UFD1: variants seen among roughly 807,000 people sequenced by gnomAD.
UFD1 encodes ubiquitin recognition factor in ER associated degradation 1.
In UFD1, 13 loss-of-function variants were observed where a neutral mutation model predicts 45.9. That is an observed-to-expected ratio of 0.28 (90% CI 0.18 to 0.45). UFD1 has a LOEUF of 0.45. Ranked by LOEUF, UFD1 falls within the 20% of genes least tolerant of loss-of-function variation. The pLI, the probability that UFD1 is intolerant of heterozygous loss-of-function variation, is 1.00. For synonymous variants in UFD1, 128 were observed against 139.2 expected (o/e 0.92, Z 0.56); for missense variants, 218 against 389.2 (o/e 0.56, Z 3.70).
rs2089722429 is a variant in UFD1, at chr22:19,456,313, C to G, written c.678+274G>C. Among the ~76,000 whole-genome samples the G allele has an allele frequency of 2.6e-5, 4 of 152,192 alleles. No individual in the cohort carries two copies. In the South Asian group the frequency reaches 8.3e-4, roughly 32 times the overall value. On this transcript the variant is annotated intron_variant, in intron 9 of 11. Coordinates refer to ENST00000263202, the MANE Select transcript of UFD1 (RefSeq NM_005659.7). ...GTAACTTTTGGTGAACCTAAGGGAA[C>G]AGTATATGTCTACTGTACTATTTAA... is the stretch of plus-strand genomic sequence containing the variant.
In UFD1 at chr22:19,468,087, G is replaced by A. The variant is rs974099909; in HGVS notation, c.292-84C>T. On this transcript the variant is annotated intron_variant, in intron 4 of 11. Transcript: ENST00000263202. The stretch of plus-strand genomic sequence containing the variant: ...TGCTCCCTATACACTGGGCAGGCCC[G>A]TCTTACTTGGGTCCTTGGAAGAGGA... The A allele has an allele frequency of 5.9e-6, 9 of 1,536,916 alleles. No individual in the cohort carries two copies. The East Asian group carries it at 6.8e-5, about 12-fold the overall frequency.
chr22:19,458,229 G>T, intron 6 of UFD1, 90 bp from the exon 7 acceptor site: 1 of 1,377,360 alleles, frequency 7.3e-7, no homozygotes, highest in Non-Finnish European at 1.0e-6. Flanking sequence ...ACTGGCTCCT[G>T]CGAATGACAC....
chr22:19,452,995 G>C (rs948340371), intron 11 of UFD1: 55 of 966,546 alleles, frequency 5.7e-5, no homozygotes, highest in Non-Finnish European at 6.2e-5. Flanking sequence ...GATGATTTCT[G>C]CTCCTTTGGT....
In UFD1 at chr22:19,458,097, C is replaced by T; in HGVS notation, c.538G>A (p.Val180Met). ...RVMETKPDKA[V>M]SIIECDMNVD... ...TTCATGTCACACTCAATGATGGACA[C>T]TGCCTTGTCGGGTTTGGTCTCCATC... Residue 180 changes from valine (V) to methionine (M), a missense_variant, in exon 7 of 12, where the codon GTG becomes ATG. Transcript: ENST00000263202. The T allele has an allele frequency of 6.2e-7, 1 of 1,614,184 alleles. No individual in the cohort carries two copies. Among genetic ancestry groups the T allele is most frequent in the Non-Finnish European group, 8.5e-7 (1 of 1,180,010 alleles).
rs5748208 is a variant in UFD1 at position 19,450,839 on chromosome 22, A to G, written c.850-95T>C. The G allele has an allele frequency of 0.055, 87,324 of 1,592,428 alleles. 2,683 individuals are homozygous for G. The highest frequency in any genetic ancestry group is 0.11 in the Middle Eastern group (635 of 5,946). On this transcript the variant is annotated intron_variant, in intron 11 of 11. Transcript: ENST00000263202. ...GACTCACGTACCATCCACATTACTC[A>G]TAAGAAATATCTCAGGCTGGACACG... is the stretch of plus-strand genomic sequence containing the variant.
Position 19,471,577 on chromosome 22 carries a change from T to G in UFD1, c.291+110A>C, listed in dbSNP as rs1254071229. On this transcript the variant is annotated intron_variant, in intron 4 of 11. Transcript: ENST00000263202. ...GCTGGGTCGGCTCAGGCTAAGACGC[T>G]GAGCAGGAGGAGTAGGCGGGGCCAC... 12 of 1,483,720 alleles carry G rather than the reference T, an allele frequency of 8.1e-6. No homozygotes were observed. The East Asian group carries it at 1.9e-4, about 23-fold the overall frequency. 91.9% of individuals were successfully genotyped at this position (1,483,720 alleles called of 1,614,324 possible). A position where few individuals can be genotyped will look rare whatever the true frequency, so the allele number is the denominator to read the frequency against.
Position 19,450,470 on chromosome 22 carries a change from T to C in UFD1, c.*200A>G. ...GGCCCTCAGGGACAGCTCTTTGTCT[T>C]TCCCCAAATCAAGCATACAACTACA... is the stretch of plus-strand genomic sequence containing the variant. On this transcript the variant is annotated 3_prime_UTR_variant, in exon 12 of 12. Transcript: ENST00000263202. 3.1e-6 allele frequency: 2 copies of C among 640,918 alleles called. No homozygotes were observed. Among genetic ancestry groups the C allele is most frequent in the Non-Finnish European group, 2.6e-6 (1 of 388,798 alleles). 39.7% of individuals were successfully genotyped at this position (640,918 alleles called of 1,614,324 possible). A position where few individuals can be genotyped will look rare whatever the true frequency, so the allele number is the denominator to read the frequency against.
chr22:19,467,756 G>A, intron 5 of UFD1, 117 bp downstream of exon 5: 1 of 1,499,948 alleles, frequency 6.7e-7, no homozygotes, highest in Non-Finnish European at 9.0e-7. Flanking sequence ...ATCACAACTT[G>A]AATCACAAAT....
intron 11 of UFD1, chr22:19,453,260 G>C (rs914291241): frequency 3.0e-6 from 3 of 985,300 alleles, no homozygotes; most frequent in Admixed American, 6.2e-5. Flanking sequence ...GGCTTTCTAT[G>C]GTCTACTAAG....
At chr22:19,453,963 G>A (rs577839376) in intron 11 of UFD1, 7 of 985,598 alleles carry the variant, frequency 7.1e-6, no homozygotes, top group Non-Finnish European at 8.4e-6. Flanking sequence ...AGGTGACTGC[G>A]TTCCAGTTGC....
At chr22:19,475,181 C>T in intron 2 of UFD1, 81 bp from the exon 3 acceptor site, 2 of 1,417,696 alleles carry the variant, frequency 1.4e-6, no homozygotes, top group Non-Finnish European at 1.9e-6. Context: ...TTCTTTATAT[C>T]TAACAAAAAG....
chr22:19,475,257 T>C lies in UFD1; in HGVS notation c.137-157A>G, dbSNP rs542943745. ...CTTTCATGAAGAATCTTACTTGATG[T>C]AATTTATTTTGGGAACTGAATGGTT... On this transcript the variant is annotated intron_variant, in intron 2 of 11. Transcript: ENST00000263202. 3.6e-3 allele frequency among the ~76,000 whole-genome samples: 555 copies of C among 152,342 alleles called. 3 individuals are homozygous for C. The highest frequency in any genetic ancestry group is 6.8e-3 in the Middle Eastern group (2 of 294).
At chr22:19,464,211 A>G (rs7284777) in intron 6 of UFD1, among the ~76,000 whole-genome samples, 2,728 of 152,344 alleles carry the variant, frequency 0.018, 94 homozygotes, top group African/African-American at 0.062. Flanking sequence ...TGGCTAAACC[A>G]CAGGCAGCTG....
chr22:19,462,449 T>G (rs2089774510), intron 6 of UFD1, among the ~76,000 whole-genome samples: 1 of 152,192 alleles, frequency 6.6e-6, no homozygotes, highest in Non-Finnish European at 1.5e-5. Flanking sequence ...ATGGCTCACC[T>G]GAGGTCAGGA....
rs563030517 is a variant in UFD1 at position 19,457,445 on chromosome 22, C to T, written c.565-527G>A. Among the ~76,000 whole-genome samples the T allele has an allele frequency of 1.0e-3, 153 of 152,310 alleles. 1 individual carries two copies. The highest frequency in any genetic ancestry group is 1.9e-3 in the Non-Finnish European group (129 of 68,016). ...TGCTCAGCAGTATTCCCTAGTAATACAACCAGGATGCTGTGTGCATCAGCA... is the reference window on the plus strand; with the variant it reads ...TGCTCAGCAGTATTCCCTAGTAATATAACCAGGATGCTGTGTGCATCAGCA... On this transcript the variant is annotated intron_variant, in intron 7 of 11. Transcript: ENST00000263202.
At chr22:19,457,027 A>G in intron 7 of UFD1, 109 bp from the exon 8 acceptor site, 1 of 771,892 alleles carries the variant, frequency 1.3e-6, no homozygotes, top group South Asian at 1.5e-5. Flanking sequence ...TTTAAGAAAT[A>G]ATACAAAAGA....
chr22:19,452,025 T>G, intron 11 of UFD1: 1 of 794,708 alleles, frequency 1.3e-6, no homozygotes, highest in Non-Finnish European at 1.5e-6. Context: ...ATGAGGATTA[T>G]CTTCTTGTGA....
chr22:19,456,668 C>T, intron 8 of UFD1, 34 bp from the exon 9 acceptor site: 1 of 1,614,182 alleles, frequency 6.2e-7, no homozygotes, highest in Non-Finnish European at 8.5e-7. Flanking sequence ...GTGAGCTCCT[C>T]AGCGGGGACA....
intron 6 of UFD1, among the ~76,000 whole-genome samples, chr22:19,459,970 G>A (rs370279204): frequency 2.7e-3 from 415 of 151,546 alleles, no homozygotes; most frequent in Middle Eastern, 0.01. Context: ...AACTCCTGAC[G>A]TTGTGATCCA....
Sources: allele counts gnomAD v4.1 joint callset (sites outside exome capture counted in the v4.1 genomes callset), GRCh38; gene constraint gnomAD v4.1.1; transcripts MANE v1.5; gene names NCBI Gene and HGNC (gene_info 2026-07-23, HGNC 2026-07-21).